TASOR2: variants seen among roughly 807,000 people sequenced by gnomAD.
TASOR2 encodes the protein transcription activation suppressor family member 2.
In TASOR2, 84 loss-of-function variants were observed where a neutral mutation model predicts 199.5. The observed-to-expected ratio is 0.42, with a 90% CI of 0.35 to 0.50. The LOEUF (loss-of-function observed/expected upper bound fraction) is 0.50, where lower values mean the gene tolerates loss of function less well. Among genes scored for constraint, TASOR2 ranks in the 20% least tolerant of loss-of-function variants. The probability of loss-of-function intolerance (pLI) is 0.02; values close to 1 mark genes in which losing one functional copy is unlikely to be tolerated. For missense variants in TASOR2, 2,796 were observed against 2,835.9 expected (o/e 0.99, Z 0.32); for synonymous variants, 1,103 against 1,046.6 (o/e 1.05, Z -1.04).
intron 1 of TASOR2, among the ~76,000 whole-genome samples, chr10:5,692,582 G>A (rs1438715485): frequency 6.6e-6 from 1 of 152,124 alleles, no homozygotes; most frequent in Non-Finnish European, 1.5e-5. Context: ...TCCCTGGTGT[G>A]TGGAGTCCCT....
intron 1 of TASOR2, among the ~76,000 whole-genome samples, chr10:5,705,299 T>A (rs1050344255): frequency 1.3e-5 from 2 of 152,220 alleles, no homozygotes; most frequent in South Asian, 4.1e-4. Context: ...CCCAGTTTAA[T>A]GTTTTGAGAT....
intron 2 of TASOR2, 110 bp from the exon 4 acceptor site, chr10:5,717,549 C>T (rs1251008948): frequency 4.8e-6 from 2 of 417,976 alleles, no homozygotes; most frequent in Non-Finnish European, 8.1e-6. Context: ...GAATCCTCCT[C>T]TCCTGTCTCA....
chr10:5,757,553 A>G lies in TASOR2; in HGVS notation c.6766A>G (p.Ser2256Gly), dbSNP rs1274607146. The G allele has an allele frequency of 1.2e-6, 2 of 1,610,844 alleles. No individual in the cohort carries two copies. The highest frequency in any genetic ancestry group is 2.2e-5 in the East Asian group (1 of 44,694). Residue 2256 changes from serine (S) to glycine (G), a missense_variant, in exon 17 of 21, where the codon AGT (serine) becomes GGT (glycine). Ser to Gly is a moderately conservative substitution (Grantham distance 56). Around this residue, in one of 3 missense-constraint regions of TASOR2, gnomAD observed 1,941 missense variants for 1,924.9 expected, o/e 1.01. Coordinates refer to ENST00000328090, the Ensembl canonical transcript of TASOR2. ...TTTGCTGAAGCTGAAGCATTTCCCC[A>G]GTGTCATCTTTGCTGGAGTAGACAG...
intron 1 of TASOR2, among the ~76,000 whole-genome samples, chr10:5,708,032 T>C (rs530495043): frequency 1.8e-4 from 27 of 152,192 alleles, no homozygotes; most frequent in Non-Finnish European, 3.5e-4. Context: ...AAATTTTGAA[T>C]GTATCCACAC....
At chr10:5,731,913 C>T (rs2890365) in intron 11 of TASOR2, among the ~76,000 whole-genome samples, 4 of 151,992 alleles carry the variant, frequency 2.6e-5, no homozygotes, top group Non-Finnish European at 5.9e-5. Flanking sequence ...CAACACCTAT[C>T]GAGAGGAGGG....
chr10:5,735,976 TTTATTTATTTA>T (rs1835511164), intron 12 of TASOR2, among the ~76,000 whole-genome samples: 1 of 152,178 alleles, frequency 6.6e-6, no homozygotes, highest in Non-Finnish European at 1.5e-5. Flanking sequence ...TGTATTTAGT[TTTATTTATTTA>T]GAGACAGGGT....
At chr10:5,714,027 C>G (rs1291229654) in intron 2 of TASOR2, 108 bp from the exon 3 acceptor site, 2 of 516,220 alleles carry the variant, frequency 3.9e-6, no homozygotes, top group Non-Finnish European at 5.8e-6. Context: ...ATAGTGAGAC[C>G]TTGTCTCTAT....
chr10:5,753,565 C>A (rs887203492), intron 15 of TASOR2, among the ~76,000 whole-genome samples: 1 of 152,072 alleles, frequency 6.6e-6, no homozygotes, highest in African/African-American at 2.4e-5. Context: ...GGAGTTTCAC[C>A]GTGTTAGGAT....
rs146266736 is a variant in TASOR2 at position 5,748,092 on chromosome 10, A to G, written c.4671A>G (p.Ile1557Met). 9 of 1,614,252 alleles carry G rather than the reference A, an allele frequency of 5.6e-6. No individual in the cohort carries two copies. In the East Asian group the frequency reaches 2.0e-4, roughly 36 times the overall value. ...GAAATCCATTGCAGCCAGTTAGTAT[A>G]GAGAATAGAAATTTGGACTTAAAAC... The change falls in exon 15 of 21, where the codon ATA becomes ATG. Residue 1557 changes from isoleucine (I) to methionine (M), a missense_variant. Physicochemically the swap from Ile to Met is conservative, Grantham distance 10. Coordinates refer to ENST00000328090, the Ensembl canonical transcript of TASOR2. This position sits in a 1 kb window ranked among gnomAD's most constrained non-coding sequence, Gnocchi z 5.1.
chr10:5,712,801 A>G (rs1333675274), intron 1 of TASOR2, 22 bp from the exon 2 acceptor site: 1 of 1,133,482 alleles, frequency 8.8e-7, no homozygotes, highest in East Asian at 3.2e-5. Flanking sequence ...GCGTTTGGTT[A>G]TTCTGTTCTC....
At position 5,685,087 on chromosome 10, in the gene TASOR2, G is replaced by A; in HGVS notation, c.-376G>A. Reference sequence around the variant, plus strand: ...GTGCGCCGGTGTCGCGAGGGCCCGGGAGGACGCAGAGCACGGCCGGGAGAA... The same window carrying A: ...GTGCGCCGGTGTCGCGAGGGCCCGGAAGGACGCAGAGCACGGCCGGGAGAA... On this transcript the variant is annotated 5_prime_UTR_variant, in exon 1 of 21. Transcript: ENST00000328090. The surrounding 1 kb of genome is among the most constrained non-coding windows in gnomAD (Gnocchi z 5.4). 1 of 398,232 alleles carries A rather than the reference G, an allele frequency of 2.5e-6. No homozygotes were observed. The highest frequency in any genetic ancestry group is 4.4e-6 in the Non-Finnish European group (1 of 225,716). 24.7% of individuals were successfully genotyped at this position (398,232 alleles called of 1,614,324 possible). A position where few individuals can be genotyped will look rare whatever the true frequency, so the allele number is the denominator to read the frequency against.
chr10:5,735,360 C>G, exon 12 of TASOR2: 1 of 1,614,046 alleles, frequency 6.2e-7, no homozygotes, highest in Non-Finnish European at 8.5e-7. Flanking sequence ...TAGGAAAAAC[C>G]AAGAAGCTCC....
At position 5,724,634 on chromosome 10, in the gene TASOR2, TAGATAG is replaced by T. The variant is rs748087070; in HGVS notation, c.351+103_351+108del. 1.1e-3 allele frequency: 192 copies of T among 167,552 alleles called. 1 individual carries two copies. In the Middle Eastern group the frequency reaches 0.013, roughly 11 times the overall value. The allele number at this position is 167,552 out of a possible 1,614,324, so 10.4% of individuals were successfully genotyped here. On this transcript the variant is annotated intron_variant, in intron 8 of 20. Coordinates refer to ENST00000328090, the Ensembl canonical transcript of TASOR2. Reference sequence around the variant, plus strand: ...CATATATATATATTATATATATATATAGATAGATAGATAGATAGATATAGATATAGA... The same window carrying T: ...CATATATATATATTATATATATATATATAGATAGATAGATATAGATATAGA...
At chr10:5,758,154 G>A (rs983566254) in intron 17 of TASOR2, among the ~76,000 whole-genome samples, 2 of 152,088 alleles carry the variant, frequency 1.3e-5, no homozygotes, top group Non-Finnish European at 2.9e-5. Context: ...GCACTTTTAT[G>A]TATAAAACCT....
chr10:5,728,571 G>C (rs1430172338), intron 10 of TASOR2, among the ~76,000 whole-genome samples: 1 of 151,836 alleles, frequency 6.6e-6, no homozygotes, highest in Non-Finnish European at 1.5e-5. Context: ...GGGAGGCAGA[G>C]ATTACAGTGA....
rs200327596 is a variant in TASOR2 at position 5,747,342 on chromosome 10, G to A, written c.3921G>A (p.Glu1307=). 4.1e-5 allele frequency: 66 copies of A among 1,614,094 alleles called. No homozygotes were observed. The African/African-American group carries it at 8.0e-4, about 20-fold the overall frequency. Residue 1307 remains glutamate, a synonymous_variant, in exon 15 of 21, where the codon GAG becomes GAA. Coordinates refer to ENST00000328090, the Ensembl canonical transcript of TASOR2. ...CAGCTGGTGAAATAGAGCAATTTGA[G>A]GAGGCCCCATTCTCAAATTTAGAAC... is the stretch of plus-strand genomic sequence containing the variant.
rs777026517 is a variant in TASOR2, at chr10:5,748,288, T to G, written c.4867T>G (p.Leu1623Val). ...TCAGAACCATCTCTTTCCCGGTGAT[T>G]TGAAAACAGATGAAGGCATTTATCT... Residue 1623 changes from leucine to valine, a missense_variant, in exon 15 of 21, where the codon TTG becomes GTG. Around this residue, in one of 3 missense-constraint regions of TASOR2, gnomAD observed 1,941 missense variants for 1,924.9 expected, o/e 1.01. Transcript: ENST00000328090. The surrounding 1 kb of genome is among the most constrained non-coding windows in gnomAD (Gnocchi z 5.1). 6.8e-6 allele frequency: 11 copies of G among 1,614,206 alleles called. No individual in the cohort carries two copies. The South Asian group carries it at 1.2e-4, about 18-fold the overall frequency.
rs1838153638 is a variant in TASOR2 at position 5,703,453 on chromosome 10, CA to C, written c.-287-9368del. Among the ~76,000 whole-genome samples the C allele has an allele frequency of 3.3e-5, 5 of 150,492 alleles. No homozygotes were observed. In the South Asian group the frequency reaches 1.0e-3, roughly 32 times the overall value. ...TGAATTCCTGGCATAAGCTTTATCT[CA>C]ATCATGTTGTTTTATATTTTATATA... On this transcript the variant is annotated intron_variant, in intron 1 of 20. Transcript: ENST00000328090.
chr10:5,731,227 G>A, intron 11 of TASOR2, 24 bp downstream of exon 12: 1 of 1,584,894 alleles, frequency 6.3e-7, no homozygotes. Context: ...ATTTATGTGG[G>A]TTATTATAAT....
Sources: allele counts gnomAD v4.1 joint callset (sites outside exome capture counted in the v4.1 genomes callset), GRCh38; gene constraint gnomAD v4.1.1; regional missense constraint gnomAD v4.1.1; non-coding constraint Gnocchi (gnomAD v3.1); transcripts MANE v1.5; gene names NCBI Gene and HGNC (gene_info 2026-07-23, HGNC 2026-07-21).